NLRP13: variants seen among roughly 807,000 people sequenced by gnomAD.
The protein encoded by NLRP13 is NACHT, LRR and PYD domains-containing protein 13.
A neutral mutation model predicts 94.4 loss-of-function variants in NLRP13; 82 were observed. The ratio of observed to expected loss-of-function variants is 0.87; its 90% CI spans 0.73 to 1.04. The LOEUF (loss-of-function observed/expected upper bound fraction) is 1.04. NLRP13 is among the 50% of genes least tolerant of loss of function. The pLI is 0.00. For missense variants in NLRP13, 1,426 were observed against 1,230.8 expected (o/e 1.16, Z -2.37); for synonymous variants, 553 against 464.7 (o/e 1.19, Z -2.45).
At chr19:55,926,659 TAAGTC>T (rs1263066319) in intron 1 of NLRP13, among the ~76,000 whole-genome samples, 1 of 152,140 alleles carries the variant, frequency 6.6e-6, no homozygotes, top group East Asian at 1.9e-4. Context: ...ATTATGCACT[TAAGTC>T]AATGTGGTCC....
At chr19:55,907,018 G>A (rs1986373462) in intron 7 of NLRP13, among the ~76,000 whole-genome samples, 1 of 152,096 alleles carries the variant, frequency 6.6e-6, no homozygotes, top group Admixed American at 6.6e-5. Context: ...GGAGTGCAGT[G>A]TCACAATCTT....
At chr19:55,913,548 CAA>C (rs10530056) in intron 4 of NLRP13, among the ~76,000 whole-genome samples, 1,057 of 51,920 alleles carry the variant, frequency 0.02, 6 homozygotes, top group Non-Finnish European at 0.028. Context: ...GACTCCGTCT[CAA>C]AAAAAAAAAA....
chr19:55,923,509 G>C (rs552208243), intron 4 of NLRP13, among the ~76,000 whole-genome samples: 3 of 152,136 alleles, frequency 2.0e-5, no homozygotes, highest in Non-Finnish European at 4.4e-5. Flanking sequence ...GGGGGTGGAA[G>C]GGGCACCACC....
chr19:55,916,039 C>T (rs2123130423), intron 4 of NLRP13, among the ~76,000 whole-genome samples: 1 of 152,302 alleles, frequency 6.6e-6, no homozygotes, highest in African/African-American at 2.4e-5. Context: ...CCTGGCCCCA[C>T]AGGAGACCAA....
At chr19:55,893,395 A>G (rs1318823476), downstream of NLRP13, among the ~76,000 whole-genome samples, 2 of 152,146 alleles carry the variant, frequency 1.3e-5, no homozygotes, top group African/African-American at 2.4e-5. Flanking sequence ...TCTCAAAAAA[A>G]AAGTAATGGC....
At position 55,895,981 on chromosome 19, in the gene NLRP13, C is replaced by T; in HGVS notation, c.3096G>A (p.Leu1032=). 1 of 1,613,976 alleles carries T rather than the reference C, an allele frequency of 6.2e-7. No individual in the cohort carries two copies. Among genetic ancestry groups the T allele is most frequent in the Non-Finnish European group, 8.5e-7 (1 of 1,179,934 alleles). ...TCTGCAGCCTGCATGTCGACTTTTT[C>T]AAAGCCTTACATAGCATCTTGACAC... The part of the protein sequence containing the change: ...TDGVKMLCKA[L]KKSTCRLQKL... The change falls in exon 11 of 11, where the codon TTG becomes TTA. Residue 1032 remains leucine (L), a synonymous_variant. Coordinates refer to ENST00000342929, the MANE Select transcript of NLRP13 (RefSeq NM_176810.2).
chr19:55,911,652 C>G, intron 5 of NLRP13, 54 bp downstream of exon 5: 12 of 1,490,262 alleles, frequency 8.1e-6, no homozygotes, highest in Non-Finnish European at 1.1e-5. Flanking sequence ...AGAATTTGCA[C>G]AGAGCCTGAG....
At chr19:55,901,907 A>G (rs1010013114) in intron 9 of NLRP13, 128 bp downstream of exon 9, 24 of 974,018 alleles carry the variant, frequency 2.5e-5, no homozygotes, top group Admixed American at 8.2e-5. Flanking sequence ...CGACAAAACC[A>G]GAAGCTCCTC....
In NLRP13 at chr19:55,925,050, G is replaced by A; in HGVS notation, c.320-15C>T. ...CTGCACATTCTCTGAAACAAACAGT[G>A]ATGATGACATATGAGAATACCCAGA... is the stretch of plus-strand genomic sequence containing the variant. On this transcript the variant is annotated splice_polypyrimidine_tract_variant and intron_variant, in intron 1 of 10. Coordinates refer to ENST00000342929, the MANE Select transcript of NLRP13 (RefSeq NM_176810.2). 1 of 1,612,486 alleles carries A rather than the reference G, an allele frequency of 6.2e-7. No individual in the cohort carries two copies. Among genetic ancestry groups the A allele is most frequent in the Non-Finnish European group, 8.5e-7 (1 of 1,178,620 alleles).
rs1286120007 is a variant in NLRP13 at position 55,924,109 on chromosome 19, A to G, written c.458-130T>C. The stretch of plus-strand genomic sequence containing the variant: ...GAGTGAAGAGACTGGAGAAATCAGC[A>G]TGCCCAGTTTATATTTTTTATTTAT... On this transcript the variant is annotated intron_variant, in intron 3 of 10. Coordinates refer to ENST00000342929, the MANE Select transcript of NLRP13 (RefSeq NM_176810.2). The G allele has an allele frequency of 7.0e-6, 5 of 710,120 alleles. No homozygotes were observed. In the Admixed American group the frequency reaches 1.2e-4, roughly 17 times the overall value. 44.0% of individuals were successfully genotyped at this position (710,120 alleles called of 1,614,324 possible).
In NLRP13 at chr19:55,932,264, C is replaced by A. The variant is rs1485180020; in HGVS notation, c.48G>T (p.Gly16=). The change falls in exon 1 of 11, where the codon GGG becomes GGT. Residue 16 remains glycine (G), a synonymous_variant. Coordinates refer to ENST00000342929, the MANE Select transcript of NLRP13 (RefSeq NM_176810.2). ...CCAGGGCCATCAGGTAAGGCAGAAG[C>A]CCTTGGTTGGTACCACCGTTGGGGC... The part of the protein sequence containing the change: ...ITCPNGGTNQ[G]LLPYLMALDQ... 2 of 1,610,930 alleles carry A rather than the reference C, an allele frequency of 1.2e-6. No homozygotes were observed. Among genetic ancestry groups the A allele is most frequent in the African/African-American group, 2.7e-5 (2 of 74,678 alleles).
At chr19:55,898,634 CA>C in intron 10 of NLRP13, 135 bp downstream of exon 10, 1 of 949,276 alleles carries the variant, frequency 1.1e-6, no homozygotes, top group East Asian at 2.8e-5. Flanking sequence ...CGTGAGCCAC[CA>C]CACCTGGGTG....
At chr19:55,922,060 C>CA (rs1200827515) in intron 4 of NLRP13, among the ~76,000 whole-genome samples, 1 of 152,170 alleles carries the variant, frequency 6.6e-6, no homozygotes, top group Non-Finnish European at 1.5e-5. Flanking sequence ...AGCAAAGACA[C>CA]AACTTACCTA....
rs745921288 is a variant in NLRP13 at position 55,905,102 on chromosome 19, A to G, written c.2458T>C (p.Cys820Arg). 1 of 1,613,582 alleles carries G rather than the reference A, an allele frequency of 6.2e-7. No homozygotes were observed. Among genetic ancestry groups the G allele is most frequent in the South Asian group, 1.1e-5 (1 of 91,050 alleles). The stretch of plus-strand genomic sequence containing the variant: ...TGACAGCTGGCTGCCGACAAGTTGC[A>G]TTTCTCCAGGCTGTGGAAGGTGCAG... The part of the protein sequence containing the change: ...CNLKYLCLEK[C>R]NLSAASCQDL... Residue 820 changes from cysteine (C) to arginine (R), a missense_variant, in exon 8 of 11, where the codon TGC (cysteine) becomes CGC (arginine). Cys to Arg is a radical substitution (Grantham distance 180). Transcript: ENST00000342929.
chr19:55,893,345 G>A (rs302823), downstream of NLRP13, among the ~76,000 whole-genome samples: 117,984 of 151,506 alleles, frequency 0.78, 46,256 homozygotes, highest in East Asian at 0.97. Context: ...CCGAGATCAC[G>A]CCATTGCACT....
chr19:55,917,089 T>G (rs1005248874), intron 4 of NLRP13, among the ~76,000 whole-genome samples: 2 of 152,158 alleles, frequency 1.3e-5, no homozygotes, highest in African/African-American at 4.8e-5. Flanking sequence ...AGAAATAAAC[T>G]GTTAACCCCA....
chr19:55,924,686 G>A, intron 2 of NLRP13, 28 bp from the exon 3 acceptor site: 1 of 1,590,242 alleles, frequency 6.3e-7, no homozygotes, highest in Non-Finnish European at 8.6e-7. Flanking sequence ...GATGAGATAT[G>A]AAAATACCCC....
chr19:55,899,065 G>C, intron 9 of NLRP13, 128 bp from the exon 10 acceptor site: 1 of 986,974 alleles, frequency 1.0e-6, no homozygotes, highest in South Asian at 1.8e-5. Flanking sequence ...CCCAAGCCTC[G>C]AAGGAGGAGG....
intron 6 of NLRP13, among the ~76,000 whole-genome samples, chr19:55,908,242 A>C (rs770549453): frequency 1.3e-5 from 2 of 152,078 alleles, no homozygotes. Flanking sequence ...TCCTGGGGCC[A>C]CCTATTCTTC....
Sources: allele counts gnomAD v4.1 joint callset (sites outside exome capture counted in the v4.1 genomes callset), GRCh38; gene constraint gnomAD v4.1.1; transcripts MANE v1.5; gene names NCBI Gene and HGNC (gene_info 2026-07-23, HGNC 2026-07-21).